JPH2: variants seen among roughly 807,000 people sequenced by gnomAD.
JPH2 encodes junctophilin 2.
In JPH2, 38 loss-of-function variants were observed where a neutral mutation model predicts 55.9. The observed-to-expected ratio is 0.68, with a 90% CI of 0.52 to 0.89. JPH2 has a LOEUF of 0.89. Among genes scored for constraint, JPH2 ranks in the 40% least tolerant of loss-of-function variants. The probability of loss-of-function intolerance (pLI) is 0.00; values close to 1 mark genes in which losing one functional copy is unlikely to be tolerated. For missense variants in JPH2, 964 were observed against 1,037.6 expected (o/e 0.93, Z 0.97); for synonymous variants, 480 against 472.4 (o/e 1.02, Z -0.21).
intron 2 of JPH2, among the ~76,000 whole-genome samples, chr20:44,124,945 C>T (rs2072265213): frequency 6.6e-6 from 1 of 151,826 alleles, no homozygotes. Context: ...CTGTCTCTAC[C>T]AAAAAATACA....
intron 2 of JPH2, among the ~76,000 whole-genome samples, chr20:44,123,311 C>G (rs1046200178): frequency 6.6e-6 from 1 of 152,202 alleles, no homozygotes; most frequent in Non-Finnish European, 1.5e-5. Flanking sequence ...ATCACCAACA[C>G]TGGTCTCTCC....
At chr20:44,151,122 T>G (rs1171779795) in intron 2 of JPH2, among the ~76,000 whole-genome samples, 1 of 152,238 alleles carries the variant, frequency 6.6e-6, no homozygotes, top group Non-Finnish European at 1.5e-5. Context: ...GTTCATTATA[T>G]CACTCTCTCT....
At chr20:44,154,096 T>G (rs1233086760) in intron 2 of JPH2, among the ~76,000 whole-genome samples, 3 of 152,166 alleles carry the variant, frequency 2.0e-5, no homozygotes, top group Non-Finnish European at 4.4e-5. Flanking sequence ...TGTGAGTATA[T>G]CTGTATCCTT....
chr20:44,146,202 T>G (rs1362103818), intron 2 of JPH2, among the ~76,000 whole-genome samples: 2 of 151,722 alleles, frequency 1.3e-5, no homozygotes, highest in African/African-American at 4.8e-5. Context: ...CCCAGCTGAT[T>G]TTTTGTATTT....
chr20:44,155,904 C>T (rs1381295262), intron 2 of JPH2, among the ~76,000 whole-genome samples: 3 of 152,000 alleles, frequency 2.0e-5, no homozygotes, highest in East Asian at 1.9e-4. Flanking sequence ...GGTGTGGTGG[C>T]GCACACCTGT....
At position 44,134,599 on chromosome 20, in the gene JPH2, T is replaced by C. The variant is rs1198734642; in HGVS notation, c.1170-15976A>G. 2.3e-3 allele frequency among the ~76,000 whole-genome samples: 56 copies of C among 24,462 alleles called. 14 individuals carry two copies. The highest frequency in any genetic ancestry group is 6.2e-3 in the African/African-American group (31 of 4,970). 16.0% of individuals were successfully genotyped at this position (24,462 alleles called of 152,430 possible). A position where few individuals can be genotyped will look rare whatever the true frequency, so the allele number is the denominator to read the frequency against. ...TTTATTATAAATATATATAAATATA[T>C]ATTTATTATAAATATAATAAATATA... is the stretch of plus-strand genomic sequence containing the variant. On this transcript the variant is annotated intron_variant, in intron 2 of 5. Coordinates refer to ENST00000372980, the MANE Select transcript of JPH2 (RefSeq NM_020433.5).
intron 2 of JPH2, among the ~76,000 whole-genome samples, chr20:44,134,041 T>C (rs1433270611): frequency 8.5e-5 from 1 of 11,780 alleles, no homozygotes; most frequent in Non-Finnish European, 1.3e-4. Context: ...TATATATTTA[T>C]ATATAAATAT....
chr20:44,137,043 G>C (rs1385080821), intron 2 of JPH2, among the ~76,000 whole-genome samples: 1 of 152,210 alleles, frequency 6.6e-6, no homozygotes, highest in African/African-American at 2.4e-5. Context: ...GTACCATTGT[G>C]AACAGGAGAG....
intron 5 of JPH2, among the ~76,000 whole-genome samples, 189 bp downstream of exon 5, chr20:44,114,565 AGTGTGTGTGTGTGTGTGTGTGTGTGTGT>A (rs3037626): frequency 3.5e-5 from 5 of 141,906 alleles, no homozygotes; most frequent in Admixed American, 7.1e-5. Context: ...TAATGAAGTA[AGTGTGTGTGTGTGTGTGTGTGTGTGTGT>A]GTGTGTGTGT....
At chr20:44,131,584 A>G (rs1477754579) in intron 2 of JPH2, among the ~76,000 whole-genome samples, 1 of 152,222 alleles carries the variant, frequency 6.6e-6, no homozygotes, top group Non-Finnish European at 1.5e-5. Context: ...AATGGCCACA[A>G]AGGTCTAAGA....
At chr20:44,145,394 CAA>C (rs1436372021) in intron 2 of JPH2, among the ~76,000 whole-genome samples, 1 of 152,114 alleles carries the variant, frequency 6.6e-6, no homozygotes, top group Non-Finnish European at 1.5e-5. Flanking sequence ...CACCTGAGGT[CAA>C]GAGTCCAAGA....
rs1031089866 is a variant in JPH2 at position 44,114,790 on chromosome 20, C to G, written c.*6G>C. The G allele has an allele frequency of 6.3e-7, 1 of 1,598,512 alleles. No individual in the cohort carries two copies. The highest frequency in any genetic ancestry group is 1.1e-5 in the South Asian group (1 of 87,788). On this transcript the variant is annotated 3_prime_UTR_variant, in exon 5 of 6. Transcript: ENST00000372980. ...CAGCCAGCTGGCTGCACCTGGTAAG[C>G]GACGGTCAGGTCAGGAGGTGAACAA...
intron 2 of JPH2, among the ~76,000 whole-genome samples, chr20:44,129,566 A>C (rs1465932348): frequency 7.5e-5 from 9 of 119,574 alleles, no homozygotes; most frequent in East Asian, 5.0e-4. Flanking sequence ...AAAAAAAAAA[A>C]AAACAAAAAA....
chr20:44,130,482 T>C (rs1296346577), intron 2 of JPH2, among the ~76,000 whole-genome samples: 3 of 152,346 alleles, frequency 2.0e-5, no homozygotes, highest in East Asian at 1.9e-4. Context: ...TGGCTGACTG[T>C]GCAGGACGGA....
intron 1 of JPH2, among the ~76,000 whole-genome samples, chr20:44,180,452 C>T (rs757527147): frequency 6.6e-6 from 1 of 152,134 alleles, no homozygotes; most frequent in Non-Finnish European, 1.5e-5. Context: ...CCACCTTAGC[C>T]TCTCAAGTAG....
chr20:44,135,001 C>G (rs1475834425), intron 2 of JPH2, among the ~76,000 whole-genome samples: 1 of 140,998 alleles, frequency 7.1e-6, no homozygotes, highest in African/African-American at 2.7e-5. Flanking sequence ...ACCAAGTGGA[C>G]AGAATACCAA....
At chr20:44,115,089 G>A (rs2072177307) in intron 4 of JPH2, among the ~76,000 whole-genome samples, 5 of 152,136 alleles carry the variant, frequency 3.3e-5, no homozygotes, top group Admixed American at 3.3e-4. Context: ...AGGACCCAGG[G>A]AGGGACAAGA....
At chr20:44,132,363 C>CAG (rs1569190867) in intron 2 of JPH2, among the ~76,000 whole-genome samples, 1 of 91,852 alleles carries the variant, frequency 1.1e-5, no homozygotes, top group East Asian at 3.0e-4. Context: ...CAGACACACA[C>CAG]ACACACACAC....
chr20:44,151,529 G>A (rs1227617131), intron 2 of JPH2, among the ~76,000 whole-genome samples: 1 of 151,860 alleles, frequency 6.6e-6, no homozygotes, highest in Non-Finnish European at 1.5e-5. Flanking sequence ...AAAAAAAACA[G>A]AAAGAAAAAT....
Sources: gnomAD v4.1 joint callset for allele counts (sites outside exome capture counted in the v4.1 genomes callset) on GRCh38, gnomAD v4.1.1 for gene constraint, MANE v1.5 for transcripts, NCBI Gene and HGNC (gene_info 2026-07-23, HGNC 2026-07-21) for gene names.